The following CTBP2 variants were observed in gnomAD, a reference collection of about 807,000 sequenced individuals.
CTBP2 encodes the protein C-terminal binding protein 2.
Under a neutral mutation model 80.3 loss-of-function variants are expected in CTBP2, and 30 were observed. That is an observed-to-expected ratio of 0.37 (90% CI 0.28 to 0.51). The LOEUF is 0.51. Ranked by LOEUF, CTBP2 falls within the 20% of genes least tolerant of loss-of-function variation. The pLI, the probability that CTBP2 is intolerant of heterozygous loss-of-function variation, is 0.93. For missense variants in CTBP2, 1,212 were observed against 1,375.3 expected (o/e 0.88, Z 1.88); for synonymous variants, 594 against 587.4 (o/e 1.01, Z -0.16).
intron 1 of CTBP2, among the ~76,000 whole-genome samples, chr10:125,140,476 TAAC>T (rs1857615555): frequency 1.3e-5 from 2 of 152,136 alleles, no homozygotes; most frequent in African/African-American, 4.8e-5. Flanking sequence ...GATCCCCACT[TAAC>T]AATTTTATAA....
intron 1 of CTBP2, among the ~76,000 whole-genome samples, chr10:125,009,122 G>A (rs946275955): frequency 6.6e-6 from 1 of 152,222 alleles, no homozygotes; most frequent in African/African-American, 2.4e-5. Context: ...TGTGTCCTTT[G>A]TTGGGTGAAC....
At chr10:124,994,811 T>G in intron 4 of CTBP2, 128 bp from the exon 7 acceptor site, 1 of 953,952 alleles carries the variant, frequency 1.0e-6, no homozygotes, top group South Asian at 1.6e-5. Context: ...AGAAACCGTG[T>G]GCCCAAAGCT....
At chr10:125,037,017 C>G (rs557358829) in intron 3 of CTBP2, among the ~76,000 whole-genome samples, 7 of 152,318 alleles carry the variant, frequency 4.6e-5, no homozygotes, top group Admixed American at 3.9e-4. Context: ...GTGACCCACA[C>G]TGGAGTAACT....
chr10:125,023,368 A>G (rs544053120), intron 1 of CTBP2, among the ~76,000 whole-genome samples: 1 of 152,342 alleles, frequency 6.6e-6, no homozygotes, highest in East Asian at 1.9e-4. Context: ...TTGTGAAGAC[A>G]AAGATATGAA....
chr10:125,139,907 A>G lies in CTBP2; in HGVS notation c.-206+20412T>C, dbSNP rs112470968. ...CCCCAGATCACCTTTCCAGACAGTA[A>G]AGAACTTTGCTCTCACCATCCGAAA... On this transcript the variant is annotated intron_variant, in intron 1 of 10. Transcript: ENST00000337195. 1.1e-3 allele frequency among the ~76,000 whole-genome samples: 166 copies of G among 152,264 alleles called. 1 individual carries two copies. The highest frequency in any genetic ancestry group is 3.7e-3 in the African/African-American group (152 of 41,560).
intron 2 of CTBP2, among the ~76,000 whole-genome samples, chr10:125,107,799 T>G (rs77910390): frequency 6.6e-6 from 1 of 152,230 alleles, no homozygotes; most frequent in African/African-American, 2.4e-5. Flanking sequence ...TCAAAATACA[T>G]AATACAGCAT....
rs1040486149 is a variant in CTBP2 at position 124,991,425 on chromosome 10, C to G, written c.2777+1270G>C. ...GAAGAGGTGGGCCCCCAGCTCCACC[C>G]AACAGGGGAATCTGGTGCTGTGATA... On this transcript the variant is annotated intron_variant, in intron 8 of 8. Coordinates refer to ENST00000309035, the MANE Select transcript of CTBP2 (RefSeq NM_022802.3). Among the ~76,000 whole-genome samples, 5 of 152,198 alleles carry G rather than the reference C, an allele frequency of 3.3e-5. No homozygotes were observed. The East Asian group carries it at 7.7e-4, about 23-fold the overall frequency.
chr10:125,060,670 T>G (rs924939782), intron 2 of CTBP2, among the ~76,000 whole-genome samples: 5 of 152,204 alleles, frequency 3.3e-5, no homozygotes, highest in Non-Finnish European at 7.3e-5. Flanking sequence ...GAAGAGGGAT[T>G]GGGTGTATTC....
At chr10:124,997,129 G>A (rs1953720558) in intron 4 of CTBP2, 1 of 152,270 alleles carries the variant, frequency 6.6e-6, no homozygotes, top group African/African-American at 2.4e-5. Flanking sequence ...CCGGAGGCCA[G>A]AACATTACTG....
At chr10:125,102,740 C>T (rs1850829633) in intron 2 of CTBP2, among the ~76,000 whole-genome samples, 1 of 152,152 alleles carries the variant, frequency 6.6e-6, no homozygotes, top group Non-Finnish European at 1.5e-5. Flanking sequence ...CAGGAAACAC[C>T]AGCTTCCAGG....
At chr10:125,059,747 C>T (rs1462361460) in intron 2 of CTBP2, among the ~76,000 whole-genome samples, 7 of 152,168 alleles carry the variant, frequency 4.6e-5, no homozygotes, top group South Asian at 4.1e-4. Context: ...GCTCAGTGTG[C>T]TGCCCCTCTC....
At chr10:125,056,479 C>A (rs1963962548) in intron 2 of CTBP2, among the ~76,000 whole-genome samples, 1 of 152,210 alleles carries the variant, frequency 6.6e-6, no homozygotes, top group African/African-American at 2.4e-5. Context: ...CCCCAGATGC[C>A]TTCAGAAGAG....
chr10:125,024,408 C>T (rs1037476620), intron 1 of CTBP2, among the ~76,000 whole-genome samples: 3 of 152,210 alleles, frequency 2.0e-5, no homozygotes, highest in Non-Finnish European at 4.4e-5. Flanking sequence ...CAATATCCTC[C>T]GGTCTGTAAA....
rs1324405937 is a variant in CTBP2 at position 125,003,032 on chromosome 10, T to C, written c.1906A>G (p.Lys636Glu). The C allele has an allele frequency of 1.9e-6, 3 of 1,614,086 alleles. No individual in the cohort carries two copies. The highest frequency in any genetic ancestry group is 2.2e-5 in the East Asian group (1 of 44,888). ...ATCCGCACGATCACTCTCAGGGCCT[T>C]GAACTTCTCCAGGTCCTCCCTGGTG... The change falls in exon 3 of 9, where the codon AAG (lysine) becomes GAG (glutamate). Residue 636 changes from lysine (K) to glutamate (E), a missense_variant. Coordinates refer to ENST00000309035, the MANE Select transcript of CTBP2 (RefSeq NM_022802.3).
chr10:125,012,355 C>T (rs745406594), intron 1 of CTBP2, among the ~76,000 whole-genome samples: 5 of 152,228 alleles, frequency 3.3e-5, no homozygotes, highest in Non-Finnish European at 7.3e-5. Flanking sequence ...GGGACGGTCC[C>T]TGCAGGGACG....
intron 2 of CTBP2, among the ~76,000 whole-genome samples, chr10:125,058,012 C>T (rs1262345050): frequency 3.9e-5 from 6 of 152,086 alleles, no homozygotes; most frequent in South Asian, 2.1e-4. Flanking sequence ...AGCTGGGTGG[C>T]GGGAGGTGCT....
intron 1 of CTBP2, among the ~76,000 whole-genome samples, chr10:125,139,374 C>CAAAAA (rs33963277): frequency 4.2e-5 from 4 of 96,220 alleles, no homozygotes; most frequent in African/African-American, 1.1e-4. Flanking sequence ...TAGACTGTCT[C>CAAAAA]AAAAAAAAAA....
chr10:125,148,849 T>C (rs1456894418), intron 1 of CTBP2, among the ~76,000 whole-genome samples: 1 of 152,226 alleles, frequency 6.6e-6, no homozygotes, highest in Non-Finnish European at 1.5e-5. Flanking sequence ...TGAAGCCTCA[T>C]TCTTAATCCC....
At chr10:125,087,470 A>G (rs1848165753) in intron 2 of CTBP2, among the ~76,000 whole-genome samples, 1 of 152,180 alleles carries the variant, frequency 6.6e-6, no homozygotes, top group Non-Finnish European at 1.5e-5. Context: ...GACATCCATG[A>G]GGACGAATGT....
Sources: gnomAD v4.1 joint callset for allele counts (sites outside exome capture counted in the v4.1 genomes callset) on GRCh38, gnomAD v4.1.1 for gene constraint, MANE v1.5 for transcripts, NCBI Gene and HGNC (gene_info 2026-07-23, HGNC 2026-07-21) for gene names.